The following ITGA2B variants were observed in gnomAD, a reference collection of about 807,000 sequenced individuals.
ITGA2B encodes the protein integrin alpha-IIb.
Under a neutral mutation model 142.0 loss-of-function variants are expected in ITGA2B, and 91 were observed. The observed-to-expected ratio is 0.64, with a 90% CI of 0.54 to 0.76. ITGA2B has a LOEUF of 0.76. ITGA2B is among the 30% of genes least tolerant of loss of function. The pLI, the probability that ITGA2B is intolerant of heterozygous loss-of-function variation, is 0.00. For missense variants in ITGA2B, 1,231 were observed against 1,350.8 expected (o/e 0.91, Z 1.39); for synonymous variants, 536 against 567.2 (o/e 0.94, Z 0.78).
At chr17:44,386,241 C>T in intron 1 of ITGA2B, 110 bp from the exon 2 acceptor site, 1 of 1,482,272 alleles carries the variant, frequency 6.7e-7, no homozygotes, top group Non-Finnish European at 9.1e-7. Context: ...GGCACTGGAC[C>T]ATCTTTCCTC....
In ITGA2B at chr17:44,376,421, A is replaced by G. The variant is rs1256326757; in HGVS notation, c.2268-33T>C. The G allele has an allele frequency of 3.1e-6, 5 of 1,604,030 alleles. No individual in the cohort carries two copies. The African/African-American group carries it at 6.7e-5, about 21-fold the overall frequency. Reference sequence around the variant, plus strand: ...GGAGGGGATGAGGAGAAACAGGGCCAGGGACACCAGCCCAGTGACTTTCTG... The same window carrying G: ...GGAGGGGATGAGGAGAAACAGGGCCGGGGACACCAGCCCAGTGACTTTCTG... On this transcript the variant is annotated intron_variant, in intron 22 of 29. Coordinates refer to ENST00000262407, the MANE Select transcript of ITGA2B (RefSeq NM_000419.5).
rs1175042272 is a variant in ITGA2B at position 44,389,387 on chromosome 17, G to A, written c.87C>T (p.Ala29=). 1.2e-6 allele frequency: 2 copies of A among 1,614,190 alleles called. No homozygotes were observed. The highest frequency in any genetic ancestry group is 1.7e-5 in the Admixed American group (1 of 60,022). Residue 29 remains alanine, a synonymous_variant, in exon 1 of 30, where the codon GCC becomes GCT. Transcript: ENST00000262407. ...GCACTGGGTCCAGGTTCAAGGCCCA[G>A]GCTGGAGGGGCAGCACAAGGTCCCA... ...LLLGPCAAPP[A]WALNLDPVQL...
chr17:44,374,205 C>G, intron 29 of ITGA2B, 149 bp downstream of exon 29: 4 of 771,366 alleles, frequency 5.2e-6, no homozygotes, highest in Non-Finnish European at 9.2e-6. Flanking sequence ...CCCACTGGAC[C>G]GAGAATGACA....
At position 44,380,638 on chromosome 17, in the gene ITGA2B, G is replaced by A. The variant is rs766997708; in HGVS notation, c.1401C>T (p.Ile467=). The A allele has an allele frequency of 8.7e-6, 14 of 1,614,168 alleles. No individual in the cohort carries two copies. In the East Asian group the frequency reaches 1.1e-4, roughly 13 times the overall value. The change falls in exon 14 of 30, where the codon ATC becomes ATT. Residue 467 remains isoleucine (I), a synonymous_variant. Transcript: ENST00000262407. ...CCTGGTTGGCCCCGTAAGCTCCCAC[G>A]ATCAGGTCTATAGACATCGAGGAAT... ...DIDDNGYPDL[I]VGAYGANQVA... is the part of the protein sequence containing the mutation.
At position 44,383,879 on chromosome 17, in the gene ITGA2B, C is replaced by A. The variant is rs368305717; in HGVS notation, c.998+15G>T. The A allele has an allele frequency of 2.2e-5, 36 of 1,612,694 alleles. No homozygotes were observed. Among genetic ancestry groups the A allele is most frequent in the Non-Finnish European group, 2.9e-5 (34 of 1,179,730 alleles). ...GGGACCCAACTGGGTAGGGGTGGGG[C>A]ATGTCCCTCCTCACCCATCCCCGTT... On this transcript the variant is annotated intron_variant, in intron 11 of 29. Coordinates refer to ENST00000262407, the MANE Select transcript of ITGA2B (RefSeq NM_000419.5).
chr17:44,387,826 CAAAA>C (rs980395817), intron 1 of ITGA2B, among the ~76,000 whole-genome samples: 6 of 24,554 alleles, frequency 2.4e-4, no homozygotes, highest in Non-Finnish European at 3.9e-4. Flanking sequence ...AACCCCATCT[CAAAA>C]AAAAAAAAAA....
chr17:44,375,222 G>A (rs2048530585), intron 26 of ITGA2B, 111 bp from the exon 27 acceptor site: 2 of 896,522 alleles, frequency 2.2e-6, no homozygotes, highest in African/African-American at 3.3e-5. Flanking sequence ...TCAGGAAGCG[G>A]TGGCCTTCCC....
intron 24 of ITGA2B, 23 bp from the exon 25 acceptor site, chr17:44,376,008 G>A (rs761164872): frequency 6.2e-7 from 1 of 1,614,122 alleles, no homozygotes; most frequent in Non-Finnish European, 8.5e-7. Context: ...TGGTGGCAGG[G>A]TGTGGGGAGC....
Position 44,380,001 on chromosome 17 carries a change from C to T in ITGA2B, c.1752+1G>A. 6.2e-7 allele frequency: 1 copy of T among 1,613,320 alleles called. No individual in the cohort carries two copies. The highest frequency in any genetic ancestry group is 8.5e-7 in the Non-Finnish European group (1 of 1,180,034). Reference sequence around the variant, plus strand: ...CCTGCCAATCCCCTGCCTGGGCGTACTCGAAGGAAGGCCATGGTGGTGTGG... The same window carrying T: ...CCTGCCAATCCCCTGCCTGGGCGTATTCGAAGGAAGGCCATGGTGGTGTGG... On this transcript the variant is annotated splice_donor_variant, in intron 17 of 29. Coordinates refer to ENST00000262407, the MANE Select transcript of ITGA2B (RefSeq NM_000419.5). LOFTEE classifies it high-confidence loss of function.
chr17:44,385,193 A>G lies in ITGA2B; in HGVS notation c.641T>C (p.Leu214Pro), dbSNP rs137852911. ...GAAATAATAGCCGCCAGGAGCCCCA[A>G]GCACCAGCTCTCCGGCCTGGAAGGG... ...SVVTQAGELVLGAPGGYYFLG... is the reference protein window; with the variant it reads ...SVVTQAGELVPGAPGGYYFLG... The change falls in exon 6 of 30, where the codon CTT (leucine) becomes CCT (proline). Residue 214 changes from leucine (L) to proline (P), a missense_variant. Leu to Pro is a moderately conservative substitution (Grantham distance 98). Transcript: ENST00000262407. 2.5e-6 allele frequency: 4 copies of G among 1,613,934 alleles called. No homozygotes were observed. The highest frequency in any genetic ancestry group is 1.3e-5 in the African/African-American group (1 of 74,936).
At position 44,380,181 on chromosome 17, in the gene ITGA2B, C is replaced by T. The variant is rs1364906798; in HGVS notation, c.1601-28G>A. On this transcript the variant is annotated intron_variant, in intron 16 of 29. Coordinates refer to ENST00000262407, the MANE Select transcript of ITGA2B (RefSeq NM_000419.5). ...GGCAGGGCAAGCAGAAGAGTCAGGA[C>T]CTCCCTGGCCAGCCTCCGGGGGAGT... 1.9e-6 allele frequency: 3 copies of T among 1,613,852 alleles called. No homozygotes were observed. The East Asian group carries it at 6.7e-5, about 36-fold the overall frequency.
At chr17:44,384,170 C>T in intron 9 of ITGA2B, 32 bp from the exon 10 acceptor site, 1 of 1,611,334 alleles carries the variant, frequency 6.2e-7, no homozygotes, top group Non-Finnish European at 8.5e-7. Context: ...GAGCATCATT[C>T]TTGTACCCAA....
chr17:44,389,083 C>T (rs963295893), intron 1 of ITGA2B, among the ~76,000 whole-genome samples: 2 of 152,130 alleles, frequency 1.3e-5, no homozygotes, highest in East Asian at 1.9e-4. Flanking sequence ...CAGTGCCCAT[C>T]AGCCCACATG....
chr17:44,375,151 C>T (rs914498453), intron 26 of ITGA2B, 40 bp from the exon 27 acceptor site: 2 of 1,495,272 alleles, frequency 1.3e-6, no homozygotes, highest in African/African-American at 1.4e-5. Context: ...CGTCCCGGCC[C>T]ATCACCCCAT....
chr17:44,385,431 G>C, intron 4 of ITGA2B, 96 bp from the exon 5 acceptor site: 2 of 1,532,362 alleles, frequency 1.3e-6, no homozygotes, highest in Admixed American at 3.9e-5. Context: ...GCCTTGAGTC[G>C]GCGGGGCCCT....
chr17:44,379,222 G>A (rs1334341628), intron 18 of ITGA2B, among the ~76,000 whole-genome samples: 1 of 149,864 alleles, frequency 6.7e-6, no homozygotes. Context: ...CCAAAGTGCT[G>A]GGATTACAGG....
rs1567904514 is a variant in ITGA2B at position 44,384,080 on chromosome 17, C to G, written c.945+5G>C. ...CAGCCACGCCCACTGGGACCTGGCC[C>G]CCACCTGCTCTCCGCGCAGCCGATG... is the stretch of plus-strand genomic sequence containing the variant. On this transcript the variant is annotated splice_donor_5th_base_variant and intron_variant, in intron 10 of 29. Coordinates refer to ENST00000262407, the MANE Select transcript of ITGA2B (RefSeq NM_000419.5). 1 of 1,613,754 alleles carries G rather than the reference C, an allele frequency of 6.2e-7. No homozygotes were observed. The highest frequency in any genetic ancestry group is 8.5e-7 in the Non-Finnish European group (1 of 1,179,916).
In ITGA2B at chr17:44,378,968, C is replaced by T. The variant is rs146803337; in HGVS notation, c.1879-258G>A. 0.017 allele frequency among the ~76,000 whole-genome samples: 2,552 copies of T among 152,174 alleles called. 79 individuals carry two copies. The highest frequency in any genetic ancestry group is 0.058 in the African/African-American group (2,397 of 41,492). On this transcript the variant is annotated intron_variant, in intron 18 of 29. Coordinates refer to ENST00000262407, the MANE Select transcript of ITGA2B (RefSeq NM_000419.5). ...CAGGTGTTTATTTTATTTTTGGAGACGGAGTCTCGCTCTGTCGTCCAGGCT... is the reference window on the plus strand; with the variant it reads ...CAGGTGTTTATTTTATTTTTGGAGATGGAGTCTCGCTCTGTCGTCCAGGCT...
In ITGA2B at chr17:44,385,653, C is replaced by G. The variant is rs1478909514; in HGVS notation, c.472G>C (p.Val158Leu). 1 of 1,613,670 alleles carries G rather than the reference C, an allele frequency of 6.2e-7. No homozygotes were observed. Among genetic ancestry groups the G allele is most frequent in the Non-Finnish European group, 8.5e-7 (1 of 1,180,020 alleles). The change falls in exon 4 of 30, where the codon GTA becomes CTA. Residue 158 changes from valine to leucine, a missense_variant. By Grantham distance (32) the Val-to-Leu change is conservative. This residue lies in a region of ITGA2B where 318 missense variants were observed against 312.2 expected (regional missense o/e 1.02). Transcript: ENST00000262407. ...EKTEEAEKTP[V>L]GSCFLAQPES... ...GGCTGAGCCAAAAAGCAGCTACCTACGGGCGTCTTCTCAGCCTCCTCAGTC... is the reference window on the plus strand; with the variant it reads ...GGCTGAGCCAAAAAGCAGCTACCTAGGGGCGTCTTCTCAGCCTCCTCAGTC...
Sources: gnomAD v4.1 joint callset for allele counts (sites outside exome capture counted in the v4.1 genomes callset) on GRCh38, gnomAD v4.1.1 for gene constraint, gnomAD v4.1.1 regional missense constraint, MANE v1.5 for transcripts, NCBI Gene and HGNC (gene_info 2026-07-23, HGNC 2026-07-21) for gene names.